The following CEP85 variants were observed in gnomAD, a reference collection of about 807,000 sequenced individuals.
CEP85 encodes centrosomal protein of 85 kDa.
In CEP85, 58 loss-of-function variants were observed where a neutral mutation model predicts 93.7. That is an observed-to-expected ratio of 0.62 (90% confidence interval 0.50 to 0.77). CEP85 has a LOEUF of 0.77. Ranked by LOEUF, CEP85 falls within the 30% of genes least tolerant of loss-of-function variation. The pLI is 0.00. For missense variants in CEP85, 868 were observed against 922.0 expected (o/e 0.94, Z 0.76); for synonymous variants, 314 against 338.6 (o/e 0.93, Z 0.80).
At chr1:26,270,906 T>A (rs1321995600) in intron 9 of CEP85, 108 bp from the exon 10 acceptor site, 1 of 690,112 alleles carries the variant, frequency 1.4e-6, no homozygotes, top group African/African-American at 1.8e-5. Flanking sequence ...CCCCAGCTAC[T>A]GCTTGGACTA....
intron 5 of CEP85, 26 bp downstream of exon 5, chr1:26,257,756 G>C (rs1209734881): frequency 6.2e-7 from 1 of 1,613,162 alleles, no homozygotes; most frequent in East Asian, 2.2e-5. Flanking sequence ...GTACCACAGA[G>C]CCAGACTACT....
chr1:26,248,581 C>T (rs1012147431), intron 3 of CEP85, among the ~76,000 whole-genome samples: 2 of 151,950 alleles, frequency 1.3e-5, no homozygotes, highest in South Asian at 2.1e-4. Context: ...CTGTAACCTC[C>T]ACCTCCTGGG....
chr1:26,262,873 A>T (rs2089833263), intron 7 of CEP85, among the ~76,000 whole-genome samples: 2 of 152,106 alleles, frequency 1.3e-5, no homozygotes, highest in Non-Finnish European at 2.9e-5. Context: ...AGTAGCTGGG[A>T]TGATAGGCAC....
intron 11 of CEP85, among the ~76,000 whole-genome samples, chr1:26,273,383 G>A (rs866699716): frequency 2.5e-4 from 38 of 152,242 alleles, no homozygotes; most frequent in South Asian, 8.3e-4. Context: ...TGTGGATTGG[G>A]CTACGTCTAT....
At chr1:26,275,642 G>C (rs1478030986) in intron 12 of CEP85, among the ~76,000 whole-genome samples, 1 of 152,154 alleles carries the variant, frequency 6.6e-6, no homozygotes, top group Non-Finnish European at 1.5e-5. Flanking sequence ...ACAGGTTTCT[G>C]GGGTTGGGGA....
At chr1:26,269,644 G>A (rs746846645) in intron 9 of CEP85, 30 bp downstream of exon 9, 4 of 1,587,028 alleles carry the variant, frequency 2.5e-6, no homozygotes, top group Non-Finnish European at 3.4e-6. Context: ...TGAGAGGAGT[G>A]GAGAGTTAAG....
intron 1 of CEP85, among the ~76,000 whole-genome samples, chr1:26,237,630 G>A (rs1557645215): frequency 6.6e-6 from 1 of 152,160 alleles, no homozygotes; most frequent in East Asian, 1.9e-4. Context: ...TTTGGCTATT[G>A]TAAATAATGC....
At chr1:26,252,185 C>T (rs12144858) in intron 3 of CEP85, among the ~76,000 whole-genome samples, 3 of 151,452 alleles carry the variant, frequency 2.0e-5, no homozygotes, top group African/African-American at 7.3e-5. Flanking sequence ...GAGCCAAGAT[C>T]GTGCCACTGC....
intron 6 of CEP85, among the ~76,000 whole-genome samples, 163 bp downstream of exon 6, chr1:26,258,423 C>G (rs2089754417): frequency 6.6e-6 from 1 of 152,136 alleles, no homozygotes; most frequent in Admixed American, 6.6e-5. Context: ...TTATCATGCC[C>G]TTGTGGGAGC....
At chr1:26,255,088 G>A (rs531028097) in intron 3 of CEP85, 83 bp from the exon 4 acceptor site, 22 of 1,152,190 alleles carry the variant, frequency 1.9e-5, no homozygotes, top group Admixed American at 7.7e-5. Flanking sequence ...CTCAGGACAG[G>A]CCGAGAGCTT....
intron 3 of CEP85, 56 bp from the exon 4 acceptor site, chr1:26,255,115 A>G: frequency 7.0e-7 from 1 of 1,426,664 alleles, no homozygotes; most frequent in Non-Finnish European, 9.8e-7. Flanking sequence ...TAGCATTCAA[A>G]CTCAAGAAAG....
intron 3 of CEP85, chr1:26,254,940 GT>G (rs1464912584): frequency 3.5e-6 from 2 of 564,082 alleles, no homozygotes; most frequent in Non-Finnish European, 6.3e-6. Flanking sequence ...AAAGGACTAA[GT>G]TAAAAGTGAA....
At chr1:26,248,722 C>CTTTTTTTTTTTTTTTTTTTTTTTTT (rs573449499) in intron 3 of CEP85, among the ~76,000 whole-genome samples, 5 of 56,212 alleles carry the variant, frequency 8.9e-5, no homozygotes, top group Non-Finnish European at 8.8e-5. Flanking sequence ...GTCTTGAACT[C>CTTTTTTTTTTTTTTTTTTTTTTTTT]TTTTTTTTTT....
intron 3 of CEP85, among the ~76,000 whole-genome samples, chr1:26,252,370 TA>T (rs1383098771): frequency 2.7e-5 from 4 of 150,616 alleles, no homozygotes; most frequent in Non-Finnish European, 5.9e-5. Context: ...CTGTCTCTAC[TA>T]AAAATACAAA....
rs1161638560 is a variant in CEP85, at chr1:26,243,146, T to G, written c.56-1020T>G. Among the ~76,000 whole-genome samples, 47 of 104,320 alleles carry G rather than the reference T, an allele frequency of 4.5e-4. No individual in the cohort carries two copies. In the South Asian group the frequency reaches 0.012, roughly 27 times the overall value. The allele number at this position is 104,320 out of a possible 152,430, so 68.4% of individuals were successfully genotyped here. ...TGATTTTCTTTTTTTTTTTTTTTTT[T>G]TCTGAGATGGGGTTTCGCTCTTGTT... is the stretch of plus-strand genomic sequence containing the variant. On this transcript the variant is annotated intron_variant, in intron 2 of 13. Coordinates refer to ENST00000451429, the MANE Select transcript of CEP85 (RefSeq NM_001319944.2).
chr1:26,276,543 G>A lies in CEP85; in HGVS notation c.1911G>A (p.Val637=), dbSNP rs754244461. 1 of 1,614,106 alleles carries A rather than the reference G, an allele frequency of 6.2e-7. No homozygotes were observed. Among genetic ancestry groups the A allele is most frequent in the African/African-American group, 1.3e-5 (1 of 75,034 alleles). ...CCCATCTGTCTGCTCAGCTTTCAGT[G>A]CAAAACCAGGACTTGATTGAGAAGA... The part of the protein sequence containing the change: ...QLRTAVKELS[V]QNQDLIEKNL... Residue 637 remains valine (V), a synonymous_variant, in exon 13 of 14, where the codon GTG becomes GTA. Transcript: ENST00000451429.
At chr1:26,240,665 C>T (rs571443539) in intron 2 of CEP85, among the ~76,000 whole-genome samples, 2 of 152,222 alleles carry the variant, frequency 1.3e-5, no homozygotes, top group East Asian at 3.9e-4. Context: ...GAGCCCAAGG[C>T]GGGTGGATCA....
chr1:26,236,686 C>A (rs2089331571), intron 1 of CEP85, among the ~76,000 whole-genome samples: 2 of 152,124 alleles, frequency 1.3e-5, no homozygotes, highest in South Asian at 4.1e-4. Context: ...TTATTCTGAG[C>A]CAAATATGGG....
At chr1:26,273,714 G>A (rs1351086697) in intron 11 of CEP85, among the ~76,000 whole-genome samples, 1 of 152,078 alleles carries the variant, frequency 6.6e-6, no homozygotes, top group Non-Finnish European at 1.5e-5. Flanking sequence ...GGCTAACAAG[G>A]TGAAACCCTG....
Sources: allele counts gnomAD v4.1 joint callset (sites outside exome capture counted in the v4.1 genomes callset), GRCh38; gene constraint gnomAD v4.1.1; transcripts MANE v1.5; gene names NCBI Gene and HGNC (gene_info 2026-07-23, HGNC 2026-07-21).